Variants in ADGRA1 observed in about 807,000 individuals in gnomAD.
ADGRA1 encodes G-protein coupled receptor 123.
A neutral mutation model predicts 21.3 loss-of-function variants in ADGRA1; 12 were observed. The ratio of observed to expected loss-of-function variants is 0.56; its 90% CI spans 0.36 to 0.91. The LOEUF (loss-of-function observed/expected upper bound fraction) is 0.91, where lower values mean the gene tolerates loss of function less well. ADGRA1 is among the 40% of genes least tolerant of loss of function. ADGRA1 has a pLI of 0.01. For synonymous variants in ADGRA1, 385 were observed against 368.8 expected (o/e 1.04, Z -0.50); for missense variants, 790 against 805.6 (o/e 0.98, Z 0.23).
intron 5 of ADGRA1, among the ~76,000 whole-genome samples, chr10:133,122,423 C>T (rs1435836173): frequency 6.6e-6 from 1 of 152,224 alleles, no homozygotes; most frequent in Non-Finnish European, 1.5e-5. Flanking sequence ...GAGCCGGCAG[C>T]ACTCAGGCTG....
At position 133,125,524 on chromosome 10, in the gene ADGRA1, C is replaced by T. The variant is rs186071855; in HGVS notation, c.402-1709C>T. Among the ~76,000 whole-genome samples, 880 of 152,220 alleles carry T rather than the reference C, an allele frequency of 5.8e-3. 10 individuals are homozygous for T. The highest frequency in any genetic ancestry group is 0.02 in the African/African-American group (818 of 41,538). On this transcript the variant is annotated intron_variant, in intron 5 of 6. Coordinates refer to ENST00000392607, the MANE Select transcript of ADGRA1 (RefSeq NM_001083909.3). ...CTGCAAACCCCGCCTCCTGGGTTCACGCCATTCTCCTGTCTCAGCCTCCCG... is the reference window on the plus strand; with the variant it reads ...CTGCAAACCCCGCCTCCTGGGTTCATGCCATTCTCCTGTCTCAGCCTCCCG...
intron 5 of ADGRA1, among the ~76,000 whole-genome samples, chr10:133,126,914 G>A (rs1023427068): frequency 2.0e-4 from 31 of 152,150 alleles, no homozygotes; most frequent in Admixed American, 1.4e-3. Context: ...GCCCCGGGGA[G>A]CAGTCCCGCC....
In ADGRA1 at chr10:133,127,215, C is replaced by T. The variant is rs759676037; in HGVS notation, c.402-18C>T. 15 of 1,544,992 alleles carry T rather than the reference C, an allele frequency of 9.7e-6. No individual in the cohort carries two copies. Among genetic ancestry groups the T allele is most frequent in the African/African-American group, 1.4e-5 (1 of 71,692 alleles). ...CAGGCGGCGTCTGCAAGGGGGTCAA[C>T]GCCTTCCTCCCCGGCAGGTTTTACC... On this transcript the variant is annotated intron_variant, in intron 5 of 6. Transcript: ENST00000392607.
At chr10:133,119,329 G>A (rs1302893642) in intron 5 of ADGRA1, among the ~76,000 whole-genome samples, 6 of 152,036 alleles carry the variant, frequency 3.9e-5, no homozygotes, top group Non-Finnish European at 5.9e-5. Context: ...GTCTCACTGC[G>A]ATGTGGATGG....
At chr10:133,109,528 C>T (rs1431599993) in intron 5 of ADGRA1, among the ~76,000 whole-genome samples, 2 of 152,130 alleles carry the variant, frequency 1.3e-5, no homozygotes, top group African/African-American at 2.4e-5. Flanking sequence ...CACTGAGGGT[C>T]GGTCCCTCCA....
In ADGRA1 at chr10:133,128,511, G is replaced by A; in HGVS notation, c.683G>A (p.Arg228His). Residue 228 changes from arginine (R) to histidine (H), a missense_variant, in exon 7 of 7, where the codon CGT becomes CAT. Arg to His is a conservative substitution (Grantham distance 29). Transcript: ENST00000392607. ...QRRLATPEGG[R>H]GIRPGTPPAH... The stretch of plus-strand genomic sequence containing the variant: ...CGGCTGGCGACACCCGAGGGCGGCC[G>A]TGGGATCCGGCCAGGCACCCCACCC... 11 of 1,547,260 alleles carry A rather than the reference G, an allele frequency of 7.1e-6. No homozygotes were observed. The highest frequency in any genetic ancestry group is 1.9e-5 in the Admixed American group (1 of 51,474).
At chr10:133,102,251 G>A (rs529784812) in intron 4 of ADGRA1, 15 of 475,738 alleles carry the variant, frequency 3.2e-5, no homozygotes, top group Admixed American at 2.4e-4. Flanking sequence ...CCGTCCCCGT[G>A]GGGGGCTCAT....
chr10:133,112,057 A>C, intron 5 of ADGRA1, among the ~76,000 whole-genome samples: 1 of 151,560 alleles, frequency 6.6e-6, no homozygotes, highest in Non-Finnish European at 1.5e-5. Flanking sequence ...CCTGCCTGCC[A>C]TGGGCATCTC....
chr10:133,088,576 C>A (rs1015718993), intron 1 of ADGRA1, 132 bp from the exon 2 acceptor site: 1 of 441,718 alleles, frequency 2.3e-6, no homozygotes, highest in Non-Finnish European at 3.4e-6. Flanking sequence ...CAGCCCCAGG[C>A]GCAGCCCCCA....
chr10:133,128,696 C>G lies in ADGRA1; in HGVS notation c.868C>G (p.Leu290Val), dbSNP rs200299816. The G allele has an allele frequency of 9.0e-5, 145 of 1,612,012 alleles. No homozygotes were observed. The East Asian group carries it at 3.2e-3, about 36-fold the overall frequency. ...GHFLDMVFSC[L>V]YGAFCVTLGL... ...CTTCCTGGACATGGTCTTCAGCTGC[C>G]TGTACGGCGCCTTCTGCGTGACCCT... is the stretch of plus-strand genomic sequence containing the variant. Residue 290 changes from leucine (L) to valine (V), a missense_variant, in exon 7 of 7, where the codon CTG becomes GTG. Leu to Val is a conservative substitution (Grantham distance 32). Around this residue, in one of 3 missense-constraint regions of ADGRA1, gnomAD observed 382 missense variants for 415.6 expected, o/e 0.92. Coordinates refer to ENST00000392607, the MANE Select transcript of ADGRA1 (RefSeq NM_001083909.3).
chr10:133,116,905 G>A (rs112297238), intron 5 of ADGRA1, among the ~76,000 whole-genome samples: 78 of 152,280 alleles, frequency 5.1e-4, no homozygotes, highest in Middle Eastern at 3.4e-3. Flanking sequence ...CACAGATGCA[G>A]GTCTGACCCC....
chr10:133,131,047 G>C lies in ADGRA1; in HGVS notation c.*1536G>C, dbSNP rs1053773087. 3.3e-5 allele frequency: 5 copies of C among 152,220 alleles called. No individual in the cohort carries two copies. The highest frequency in any genetic ancestry group is 5.9e-5 in the Non-Finnish European group (4 of 68,040). 9.4% of individuals were successfully genotyped at this position (152,220 alleles called of 1,614,324 possible). A position where few individuals can be genotyped will look rare whatever the true frequency, so the allele number is the denominator to read the frequency against. ...GACTCGTCGGTGCGCTGTGCTATCC[G>C]GTTGGGAGGTCTCACCAGGAGCAGA... is the stretch of plus-strand genomic sequence containing the variant. On this transcript the variant is annotated 3_prime_UTR_variant, in exon 7 of 7. Transcript: ENST00000392607.
At chr10:133,103,281 G>A (rs576900038) in intron 5 of ADGRA1, among the ~76,000 whole-genome samples, 4 of 152,330 alleles carry the variant, frequency 2.6e-5, no homozygotes, top group African/African-American at 9.6e-5. Context: ...CTGGGGAAAC[G>A]GGCTCTGGTG....
At chr10:133,095,874 G>T in intron 2 of ADGRA1, 1 of 1,457,720 alleles carries the variant, frequency 6.9e-7, no homozygotes, top group Non-Finnish European at 9.2e-7. Context: ...AGGCCCGGCC[G>T]GCTGCCTCCT....
At chr10:133,098,344 T>C (rs1281621450) in intron 3 of ADGRA1, among the ~76,000 whole-genome samples, 1 of 151,852 alleles carries the variant, frequency 6.6e-6, no homozygotes, top group Non-Finnish European at 1.5e-5. Flanking sequence ...AGTCCTGGAG[T>C]CTCAGGGCCT....
intron 2 of ADGRA1, chr10:133,093,380 G>T (rs1203326725): frequency 5.0e-6 from 6 of 1,209,524 alleles, no homozygotes; most frequent in Non-Finnish European, 6.8e-6. Flanking sequence ...CCAAAGAGGA[G>T]ACCTCCAATT....
At chr10:133,110,822 C>G (rs2135887843) in intron 5 of ADGRA1, among the ~76,000 whole-genome samples, 1 of 152,162 alleles carries the variant, frequency 6.6e-6, no homozygotes, top group East Asian at 1.9e-4. Flanking sequence ...TCTATTCAGC[C>G]TCTTCCCCTT....
intron 5 of ADGRA1, among the ~76,000 whole-genome samples, chr10:133,125,571 C>T (rs1163297020): frequency 6.6e-6 from 1 of 151,954 alleles, no homozygotes; most frequent in Non-Finnish European, 1.5e-5. Context: ...CTACAGGCGC[C>T]CGCCACCACG....
intron 5 of ADGRA1, among the ~76,000 whole-genome samples, chr10:133,117,268 A>C (rs1054487461): frequency 1.3e-5 from 2 of 152,162 alleles, no homozygotes; most frequent in East Asian, 3.9e-4. Flanking sequence ...CCCGGAGCCC[A>C]CCCCTGCCCA....
Sources: gnomAD v4.1 joint callset for allele counts (sites outside exome capture counted in the v4.1 genomes callset) on GRCh38, gnomAD v4.1.1 for gene constraint, gnomAD v4.1.1 regional missense constraint, MANE v1.5 for transcripts, NCBI Gene and HGNC (gene_info 2026-07-23, HGNC 2026-07-21) for gene names.